Variants in PTK7 observed in about 807,000 individuals in gnomAD.
PTK7 encodes protein tyrosine kinase 7 (inactive), also known as inactive tyrosine-protein kinase 7.
Under a neutral mutation model 116.6 loss-of-function variants are expected in PTK7, and 39 were observed. That is an observed-to-expected ratio of 0.33 (90% CI 0.26 to 0.44). The LOEUF is 0.44. Among genes scored for constraint, PTK7 ranks in the 20% least tolerant of loss-of-function variants. The pLI is 1.00. For missense variants in PTK7, 1,169 were observed against 1,425.6 expected (o/e 0.82, Z 2.90); for synonymous variants, 546 against 563.6 (o/e 0.97, Z 0.44).
At chr6:43,080,049 CAAAAAAAAAAAA>C (rs1173188904) in intron 1 of PTK7, among the ~76,000 whole-genome samples, 1 of 56,840 alleles carries the variant, frequency 1.8e-5, no homozygotes, top group Admixed American at 2.1e-4. Context: ...TGACAGAGTT[CAAAAAAAAAAAA>C]AAAAAAAAGG....
chr6:43,112,941 G>A (rs77088070), intron 1 of PTK7, among the ~76,000 whole-genome samples: 1,798 of 152,094 alleles, frequency 0.012, 40 homozygotes, highest in African/African-American at 0.041. Flanking sequence ...TGATCCTCTC[G>A]CCTCAGCCTC....
intron 1 of PTK7, among the ~76,000 whole-genome samples, chr6:43,111,243 A>G (rs571853911): frequency 1.5e-4 from 23 of 152,312 alleles, no homozygotes; most frequent in African/African-American, 5.3e-4. Context: ...ACCCCTCTGA[A>G]CTTCACCAGC....
chr6:43,109,853 C>T (rs1370074476), intron 1 of PTK7, among the ~76,000 whole-genome samples: 1 of 151,938 alleles, frequency 6.6e-6, no homozygotes, highest in Non-Finnish European at 1.5e-5. Context: ...TGCCCACGAC[C>T]ACGCCCGGCT....
At position 43,129,839 on chromosome 6, in the gene PTK7, CAGGG is replaced by C. The variant is rs1422253731; in HGVS notation, c.470+14_470+17del. The C allele has an allele frequency of 6.2e-7, 1 of 1,612,042 alleles. No homozygotes were observed. The highest frequency in any genetic ancestry group is 8.5e-7 in the Non-Finnish European group (1 of 1,178,330). On this transcript the variant is annotated intron_variant, in intron 3 of 19. Transcript: ENST00000230419. This position sits in a 1 kb window ranked among gnomAD's most constrained non-coding sequence, Gnocchi z 4.5. ...TTGATGGGCACCCTCGGTAAGGAGT[CAGGG>C]AGGTGGGGATGAAGAGGGTTATTCC...
chr6:43,106,077 T>G (rs1490028714), intron 1 of PTK7, among the ~76,000 whole-genome samples: 1 of 151,962 alleles, frequency 6.6e-6, no homozygotes, highest in Non-Finnish European at 1.5e-5. Context: ...AGGGACTCAT[T>G]GTGGTTGTGA....
Position 43,145,520 on chromosome 6 carries a change from A to T in PTK7, c.2640+88A>T. ...GAGTCAGTGGTTGGAGCACCGTGAA[A>T]ACCTTGTCTCGTGCAGTCTCAGCCG... On this transcript the variant is annotated intron_variant, in intron 16 of 19. Coordinates refer to ENST00000230419, the MANE Select transcript of PTK7 (RefSeq NM_002821.5). This position sits in a 1 kb window ranked among gnomAD's most constrained non-coding sequence, Gnocchi z 4.8. 8.7e-7 allele frequency: 1 copy of T among 1,152,434 alleles called. No homozygotes were observed. The highest frequency in any genetic ancestry group is 1.2e-6 in the Non-Finnish European group (1 of 836,828). The allele number at this position is 1,152,434 out of a possible 1,614,324, so 71.4% of individuals were successfully genotyped here.
In PTK7 at chr6:43,139,142, C is replaced by T. The variant is rs749820220; in HGVS notation, c.1369C>T (p.Arg457Trp). 2.5e-6 allele frequency: 4 copies of T among 1,614,154 alleles called. No individual in the cohort carries two copies. Among genetic ancestry groups the T allele is most frequent in the East Asian group, 2.2e-5 (1 of 44,876 alleles). Residue 457 changes from arginine (R) to tryptophan (W), a missense_variant, in exon 9 of 20, where the codon CGG becomes TGG. Coordinates refer to ENST00000230419, the MANE Select transcript of PTK7 (RefSeq NM_002821.5). The surrounding 1 kb of genome is among the most constrained non-coding windows in gnomAD (Gnocchi z 4.6). ...RNQMLISEDS[R>W]FEVFKNGTLR... Reference sequence around the variant, plus strand: ...CCTCTCACCTGTGCTGCAGGACTCACGGTTCGAGGTCTTCAAGAATGGGAC... The same window carrying T: ...CCTCTCACCTGTGCTGCAGGACTCATGGTTCGAGGTCTTCAAGAATGGGAC...
intron 1 of PTK7, among the ~76,000 whole-genome samples, chr6:43,083,509 G>A (rs188887376): frequency 1.3e-5 from 2 of 152,320 alleles, no homozygotes; most frequent in East Asian, 1.9e-4. Flanking sequence ...GCTAATCAGC[G>A]GTTTGAGGAA....
chr6:43,140,886 A>G (rs1770360572), intron 10 of PTK7, among the ~76,000 whole-genome samples: 1 of 151,698 alleles, frequency 6.6e-6, no homozygotes, highest in African/African-American at 2.4e-5. Flanking sequence ...TTTTTTACTT[A>G]CCATTGTCAA....
At chr6:43,099,864 G>A (rs6938162) in intron 1 of PTK7, among the ~76,000 whole-genome samples, 112 of 152,120 alleles carry the variant, frequency 7.4e-4, no homozygotes, top group African/African-American at 2.6e-3. Context: ...GAGTGCAGGA[G>A]TTCGAGACCA....
chr6:43,131,029 T>TCACACACA (rs3222659), intron 5 of PTK7, among the ~76,000 whole-genome samples: 2,190 of 133,762 alleles, frequency 0.016, 27 homozygotes, highest in African/African-American at 0.035. Flanking sequence ...GGCAAAGACA[T>TCACACACA]CACACACACA....
chr6:43,076,606 C>G lies in PTK7; in HGVS notation c.79+39C>G, dbSNP rs376351894. 1 of 1,548,582 alleles carries G rather than the reference C, an allele frequency of 6.5e-7. No homozygotes were observed. The highest frequency in any genetic ancestry group is 8.7e-7 in the Non-Finnish European group (1 of 1,151,122). ...AGTTGGGGGCACAGAGCTTGGGAAGCGCGGGAGTCCCGTGGGCAAAAGGCT... is the reference window on the plus strand; with the variant it reads ...AGTTGGGGGCACAGAGCTTGGGAAGGGCGGGAGTCCCGTGGGCAAAAGGCT... On this transcript the variant is annotated intron_variant, in intron 1 of 19. Transcript: ENST00000230419. The surrounding 1 kb of genome is among the most constrained non-coding windows in gnomAD (Gnocchi z 5.7).
At position 43,129,396 on chromosome 6, in the gene PTK7, CT is replaced by C. The variant is rs1450477985; in HGVS notation, c.367+139del. The C allele has an allele frequency of 8.2e-6, 10 of 1,218,438 alleles. No individual in the cohort carries two copies. The highest frequency in any genetic ancestry group is 7.7e-5 in the African/African-American group (5 of 64,962). The allele number at this position is 1,218,438 out of a possible 1,614,324, so 75.5% of individuals were successfully genotyped here. A position where few individuals can be genotyped will look rare whatever the true frequency, so the allele number is the denominator to read the frequency against. ...CCAGGCAGAATGCATTTATCATCAG[CT>C]TTTTTTGCTCATGTGGATAAGAGGA... On this transcript the variant is annotated intron_variant, in intron 2 of 19. Transcript: ENST00000230419. This position sits in a 1 kb window ranked among gnomAD's most constrained non-coding sequence, Gnocchi z 4.5.
chr6:43,113,167 C>T (rs1374415541), intron 1 of PTK7, among the ~76,000 whole-genome samples: 1 of 152,128 alleles, frequency 6.6e-6, no homozygotes, highest in Non-Finnish European at 1.5e-5. Context: ...TGTGGTGGCT[C>T]ACACCTGTAA....
In PTK7 at chr6:43,130,789, C is replaced by A. The variant is rs569315470; in HGVS notation, c.812+128C>A. On this transcript the variant is annotated intron_variant, in intron 5 of 19. Coordinates refer to ENST00000230419, the MANE Select transcript of PTK7 (RefSeq NM_002821.5). Reference sequence around the variant, plus strand: ...TATTATTTCAAATTTCCAAGAGACACAGTTGAATGTTTTGCTTTTACAAGA... The same window carrying A: ...TATTATTTCAAATTTCCAAGAGACAAAGTTGAATGTTTTGCTTTTACAAGA... The A allele has an allele frequency of 1.3e-5, 17 of 1,314,602 alleles. No homozygotes were observed. The South Asian group carries it at 1.7e-4, about 13-fold the overall frequency. 81.4% of individuals were successfully genotyped at this position (1,314,602 alleles called of 1,614,324 possible). A position where few individuals can be genotyped will look rare whatever the true frequency, so the allele number is the denominator to read the frequency against.
At position 43,098,683 on chromosome 6, in the gene PTK7, C is replaced by T. The variant is rs551892229; in HGVS notation, c.79+22116C>T. Reference sequence around the variant, plus strand: ...GTCAAGATTTTTTAAAAGTAGTAAACGGTATGCTACTAGAATTGAAAAGCA... The same window carrying T: ...GTCAAGATTTTTTAAAAGTAGTAAATGGTATGCTACTAGAATTGAAAAGCA... On this transcript the variant is annotated intron_variant, in intron 1 of 19. Coordinates refer to ENST00000230419, the MANE Select transcript of PTK7 (RefSeq NM_002821.5). Among the ~76,000 whole-genome samples, 3 of 152,146 alleles carry T rather than the reference C, an allele frequency of 2.0e-5. No homozygotes were observed. In the East Asian group the frequency reaches 5.8e-4, roughly 29 times the overall value.
chr6:43,152,333 C>T (rs1211004132), intron 17 of PTK7, among the ~76,000 whole-genome samples: 1 of 152,178 alleles, frequency 6.6e-6, no homozygotes, highest in African/African-American at 2.4e-5. Context: ...AGTTTGAGAC[C>T]AGCCTGGCCA....
intron 17 of PTK7, among the ~76,000 whole-genome samples, chr6:43,150,187 T>G (rs188247491): frequency 2.0e-5 from 3 of 152,278 alleles, no homozygotes; most frequent in Admixed American, 2.0e-4. Flanking sequence ...CTTTATGCAG[T>G]CAGATGCCGT....
At chr6:43,115,947 A>AAGG (rs577047547) in intron 1 of PTK7, among the ~76,000 whole-genome samples, 26,076 of 127,978 alleles carry the variant, frequency 0.2, 3,444 homozygotes, top group Non-Finnish European at 0.23. Context: ...AAAAAAAAAA[A>AAGG]GGCAGTGGGC....
Sources: gnomAD v4.1 joint callset for allele counts (sites outside exome capture counted in the v4.1 genomes callset) on GRCh38, gnomAD v4.1.1 for gene constraint, Gnocchi (gnomAD v3.1) non-coding constraint, MANE v1.5 for transcripts, NCBI Gene and HGNC (gene_info 2026-07-23, HGNC 2026-07-21) for gene names.